PLXDC2: variants seen among roughly 807,000 people sequenced by gnomAD.
PLXDC2 encodes the protein plexin domain containing 2.
Under a neutral mutation model 68.9 loss-of-function variants are expected in PLXDC2, and 40 were observed. The ratio of observed to expected loss-of-function variants is 0.58; its 90% CI spans 0.45 to 0.76. The LOEUF (loss-of-function observed/expected upper bound fraction) is 0.76, where lower values mean the gene tolerates loss of function less well. Among genes scored for constraint, PLXDC2 ranks in the 30% least tolerant of loss-of-function variants. The pLI, the probability that PLXDC2 is intolerant of heterozygous loss-of-function variation, is 0.00. For synonymous variants in PLXDC2, 243 were observed against 234.2 expected, an observed-to-expected ratio of 1.04 and a Z score of -0.34; for missense variants, 644 against 661.9, an observed-to-expected ratio of 0.97 and a Z score of 0.30.
intron 12 of PLXDC2, among the ~76,000 whole-genome samples, chr10:20,222,520 G>T (rs969331648): frequency 1.3e-5 from 2 of 152,182 alleles, no homozygotes; most frequent in Non-Finnish European, 2.9e-5. Flanking sequence ...TGTTTGATTG[G>T]AGAAGTTTTA....
intron 2 of PLXDC2, among the ~76,000 whole-genome samples, chr10:20,003,363 T>C (rs1048227289): frequency 1.3e-5 from 2 of 152,102 alleles, no homozygotes; most frequent in African/African-American, 4.8e-5. Flanking sequence ...AATAGAAGGT[T>C]CAGATGCACT....
intron 1 of PLXDC2, among the ~76,000 whole-genome samples, chr10:19,830,075 A>G (rs563669484): frequency 1.3e-5 from 2 of 152,220 alleles, no homozygotes; most frequent in African/African-American, 4.8e-5. Flanking sequence ...AGAGAATTCC[A>G]TAGTTAAAAA....
intron 2 of PLXDC2, among the ~76,000 whole-genome samples, chr10:20,041,491 T>C (rs1387510453): frequency 6.6e-6 from 1 of 152,156 alleles, no homozygotes; most frequent in East Asian, 1.9e-4. Flanking sequence ...AGTAGGAAAT[T>C]TTGTAGTACT....
intron 1 of PLXDC2, among the ~76,000 whole-genome samples, chr10:19,980,088 T>C (rs768650337): frequency 1.3e-5 from 2 of 152,256 alleles, no homozygotes; most frequent in Non-Finnish European, 2.9e-5. Flanking sequence ...GTTTCAATTA[T>C]ATTTTACTAA....
chr10:19,834,735 G>T (rs567273068), intron 1 of PLXDC2, among the ~76,000 whole-genome samples: 53 of 152,316 alleles, frequency 3.5e-4, no homozygotes, highest in Middle Eastern at 3.4e-3. Flanking sequence ...GCTCTGAGAA[G>T]AATTATTTAT....
At chr10:20,186,475 C>T (rs952485590) in intron 9 of PLXDC2, among the ~76,000 whole-genome samples, 2 of 151,720 alleles carry the variant, frequency 1.3e-5, no homozygotes, top group South Asian at 2.1e-4. Context: ...GGTAAACTCA[C>T]GTCATGGGGG....
chr10:19,835,877 A>G lies in PLXDC2; in HGVS notation c.112+18686A>G, dbSNP rs912152593. Among the ~76,000 whole-genome samples, 5 of 152,260 alleles carry G rather than the reference A, an allele frequency of 3.3e-5. 1 individual carries two copies. On this transcript the variant is annotated intron_variant, in intron 1 of 13. Transcript: ENST00000377252. ...GTGGATGACGTGCCAGCCTTTTAAA[A>G]AGCATGGCTGGGATCTGGGTGTGGT...
At chr10:20,142,598 C>T (rs929813812) in intron 4 of PLXDC2, among the ~76,000 whole-genome samples, 1 of 151,996 alleles carries the variant, frequency 6.6e-6, no homozygotes, top group African/African-American at 2.4e-5. Context: ...AATAAATTCC[C>T]TCTCATTATC....
intron 5 of PLXDC2, among the ~76,000 whole-genome samples, chr10:20,143,626 A>G (rs1834035554): frequency 6.6e-6 from 1 of 152,128 alleles, no homozygotes; most frequent in African/African-American, 2.4e-5. Flanking sequence ...CATCTACTAT[A>G]CACAGTAAAA....
intron 1 of PLXDC2, among the ~76,000 whole-genome samples, chr10:19,955,915 C>CA (rs1000394183): frequency 1.3e-5 from 2 of 152,002 alleles, no homozygotes; most frequent in African/African-American, 4.8e-5. Context: ...CCCATCTCTA[C>CA]AAAAAATACA....
chr10:19,824,434 C>CGTAAA (rs1283606717), intron 1 of PLXDC2, among the ~76,000 whole-genome samples: 1 of 152,148 alleles, frequency 6.6e-6, no homozygotes, highest in Non-Finnish European at 1.5e-5. Context: ...ATTGAATCGC[C>CGTAAA]ATAATACATA....
At chr10:19,975,004 G>A (rs1834424349) in intron 1 of PLXDC2, among the ~76,000 whole-genome samples, 1 of 152,110 alleles carries the variant, frequency 6.6e-6, no homozygotes, top group African/African-American at 2.4e-5. Context: ...AGTTTAAAGA[G>A]TTGTAAACCA....
chr10:19,888,846 G>A (rs1376027634), intron 1 of PLXDC2, among the ~76,000 whole-genome samples: 1 of 152,058 alleles, frequency 6.6e-6, no homozygotes, highest in Non-Finnish European at 1.5e-5. Flanking sequence ...CTGGAAATCA[G>A]GCAAGATGTA....
chr10:19,875,562 A>T (rs1404861470), intron 1 of PLXDC2, among the ~76,000 whole-genome samples: 1 of 152,246 alleles, frequency 6.6e-6, no homozygotes, highest in Non-Finnish European at 1.5e-5. Flanking sequence ...AAAGATAAGT[A>T]AGATGGAAAT....
intron 9 of PLXDC2, among the ~76,000 whole-genome samples, chr10:20,208,558 G>A (rs12251983): frequency 0.038 from 5,746 of 152,176 alleles, 356 homozygotes; most frequent in African/African-American, 0.13. Flanking sequence ...ACATTCAGGG[G>A]CAATGTATAT....
intron 4 of PLXDC2, among the ~76,000 whole-genome samples, chr10:20,130,734 A>T (rs1034289839): frequency 6.6e-6 from 1 of 152,134 alleles, no homozygotes; most frequent in Non-Finnish European, 1.5e-5. Context: ...GCTTTTTTGC[A>T]TATATCGAGA....
intron 2 of PLXDC2, among the ~76,000 whole-genome samples, chr10:20,013,430 C>G (rs1835150909): frequency 1.3e-5 from 2 of 151,894 alleles, no homozygotes; most frequent in African/African-American, 4.8e-5. Flanking sequence ...AATAATGCTC[C>G]CTGATCTTTT....
chr10:20,031,309 G>T (rs983428224), intron 2 of PLXDC2, among the ~76,000 whole-genome samples: 3 of 151,960 alleles, frequency 2.0e-5, no homozygotes, highest in Admixed American at 6.6e-5. Context: ...GGGCCAGGCT[G>T]CAGTGAGACA....
chr10:19,877,519 A>G (rs537399526), intron 1 of PLXDC2, among the ~76,000 whole-genome samples: 1 of 152,312 alleles, frequency 6.6e-6, no homozygotes, highest in South Asian at 2.1e-4. Flanking sequence ...AGTAGAAATG[A>G]TGTGTGCAAA....
Sources: allele counts gnomAD v4.1 joint callset (sites outside exome capture counted in the v4.1 genomes callset), GRCh38; gene constraint gnomAD v4.1.1; transcripts MANE v1.5; gene names NCBI Gene and HGNC (gene_info 2026-07-23, HGNC 2026-07-21).